NFATC2: variants seen among roughly 807,000 people sequenced by gnomAD.
The protein encoded by NFATC2 is nuclear factor of activated T cells 2.
In NFATC2, 22 loss-of-function variants were observed where a neutral mutation model predicts 87.3. That is an observed-to-expected ratio of 0.25 (90% confidence interval 0.18 to 0.36). The LOEUF (loss-of-function observed/expected upper bound fraction) is 0.36, where lower values mean the gene tolerates loss of function less well. NFATC2 is among the 10% of genes least tolerant of loss of function. The pLI, the probability that NFATC2 is intolerant of heterozygous loss-of-function variation, is 1.00. For missense variants in NFATC2, 1,149 were observed against 1,259.1 expected, an observed-to-expected ratio of 0.91 and a Z score of 1.32; for synonymous variants, 565 against 542.2, an observed-to-expected ratio of 1.04 and a Z score of -0.58.
chr20:51,486,029 G>A (rs1194663668), intron 3 of NFATC2, among the ~76,000 whole-genome samples: 1 of 152,004 alleles, frequency 6.6e-6, no homozygotes, highest in African/African-American at 2.4e-5. Context: ...TGGCCAACAT[G>A]GTGAAACCCC....
At chr20:51,541,058 A>G (rs951833065) in intron 1 of NFATC2, among the ~76,000 whole-genome samples, 3 of 152,118 alleles carry the variant, frequency 2.0e-5, no homozygotes, top group Non-Finnish European at 2.9e-5. Context: ...AATTATTACT[A>G]ATGACCATCT....
At chr20:51,553,804 A>G (rs1353697419) in intron 1 of NFATC2, among the ~76,000 whole-genome samples, 1 of 150,830 alleles carries the variant, frequency 6.6e-6, no homozygotes, top group African/African-American at 2.4e-5. Context: ...TCTTCTACCA[A>G]GGTAGAACCT....
chr20:51,487,240 T>C lies in NFATC2; in HGVS notation c.1333-11580A>G, dbSNP rs142139458. On this transcript the variant is annotated intron_variant, in intron 3 of 10. Transcript: ENST00000371564. ...AGCTTGCAGAAACTCCGTGCAAGCA[T>C]CTGGCCCTGACCGTGCCCAGCATGG... Among the ~76,000 whole-genome samples the C allele has an allele frequency of 7.9e-5, 12 of 152,326 alleles. No homozygotes were observed. The East Asian group carries it at 2.3e-3, about 29-fold the overall frequency.
intron 1 of NFATC2, among the ~76,000 whole-genome samples, chr20:51,530,970 A>T (rs1294834668): frequency 6.6e-6 from 1 of 152,248 alleles, no homozygotes; most frequent in Non-Finnish European, 1.5e-5. Context: ...TATTATGAAG[A>T]TGATTATAAT....
chr20:51,418,803 C>T lies in NFATC2; in HGVS notation c.2722+13264G>A, dbSNP rs190072471. Among the ~76,000 whole-genome samples the T allele has an allele frequency of 1.6e-4, 24 of 152,024 alleles. No individual in the cohort carries two copies. In the East Asian group the frequency reaches 4.5e-3, roughly 28 times the overall value. On this transcript the variant is annotated intron_variant, in intron 9 of 10. Coordinates refer to ENST00000371564, the MANE Select transcript of NFATC2 (RefSeq NM_012340.5). ...TCAGCTTCCCTAGTAGCTGGGATTA[C>T]AGGCGCATGCCACCACATCCAGCTA... is the stretch of plus-strand genomic sequence containing the variant.
rs1418501103 is a variant in NFATC2, at chr20:51,516,915, G to A, written c.1201C>T (p.Leu401=). The A allele has an allele frequency of 2.5e-6, 4 of 1,614,140 alleles. No individual in the cohort carries two copies. Among genetic ancestry groups the A allele is most frequent in the Non-Finnish European group, 3.4e-6 (4 of 1,180,000 alleles). Residue 401 remains leucine, a synonymous_variant, in exon 3 of 11, where the codon CTG becomes TTG. Transcript: ENST00000371564. ...TASLPPLEWP[L]SSQSGSYELR... ...TCGTAAGAGCCTGACTGACTGGACA[G>A]CGGCCACTCAAGTGGAGGGAGGGAT...
At position 51,542,706 on chromosome 20, in the gene NFATC2, G is replaced by A; in HGVS notation, c.-207C>T. 1 of 1,054,090 alleles carries A rather than the reference G, an allele frequency of 9.5e-7. No individual in the cohort carries two copies. Among genetic ancestry groups the A allele is most frequent in the Non-Finnish European group, 1.1e-6 (1 of 876,142 alleles). The allele number at this position is 1,054,090 out of a possible 1,614,324, so 65.3% of individuals were successfully genotyped here. ...GCTGAGCGGCGGCGGCGACGGCGGCGCGAGCTTCCTGCTCCGGAGGCACCT... is the reference window on the plus strand; with the variant it reads ...GCTGAGCGGCGGCGGCGACGGCGGCACGAGCTTCCTGCTCCGGAGGCACCT... On this transcript the variant is annotated 5_prime_UTR_variant, in exon 1 of 11. Coordinates refer to ENST00000371564, the MANE Select transcript of NFATC2 (RefSeq NM_012340.5).
intron 1 of NFATC2, among the ~76,000 whole-genome samples, chr20:51,550,284 G>A (rs913332635): frequency 2.6e-5 from 4 of 152,082 alleles, no homozygotes; most frequent in African/African-American, 9.7e-5. Context: ...AAGACCCCAT[G>A]TCTAAAAAAT....
chr20:51,429,865 C>T (rs989073206), intron 9 of NFATC2, among the ~76,000 whole-genome samples: 6 of 152,156 alleles, frequency 3.9e-5, no homozygotes, highest in African/African-American at 1.4e-4. Flanking sequence ...TCACCTCGCT[C>T]GGTTCTCTGA....
chr20:51,523,435 G>C lies in NFATC2; in HGVS notation c.806C>G (p.Pro269Arg). ...ALVALPPGAS[P>R]QRSRSPSPQP... The stretch of plus-strand genomic sequence containing the variant: ...CGGCGAGGGGCTCCGGGAGCGCTGG[G>C]GTGAGGCTCCGGGCGGCAGGGCAAC... The change falls in exon 2 of 11, where the codon CCC (proline) becomes CGC (arginine). Residue 269 changes from proline to arginine, a missense_variant. Transcript: ENST00000371564. This position sits in a 1 kb window ranked among gnomAD's most constrained non-coding sequence, Gnocchi z 6.9. 3.1e-6 allele frequency: 5 copies of C among 1,609,044 alleles called. No individual in the cohort carries two copies. Among genetic ancestry groups the C allele is most frequent in the Non-Finnish European group, 4.2e-6 (5 of 1,177,534 alleles).
chr20:51,446,140 G>C (rs1985027638), intron 6 of NFATC2, among the ~76,000 whole-genome samples: 1 of 152,218 alleles, frequency 6.6e-6, no homozygotes. Context: ...CAGACCATGA[G>C]TTACCCTCCC....
chr20:51,486,423 C>T (rs555047418), intron 3 of NFATC2, among the ~76,000 whole-genome samples: 1 of 152,280 alleles, frequency 6.6e-6, no homozygotes, highest in South Asian at 2.1e-4. Flanking sequence ...TGGGTCTTCC[C>T]ACAGCTGGTT....
At chr20:51,512,018 T>A (rs937283611) in intron 3 of NFATC2, among the ~76,000 whole-genome samples, 2 of 152,168 alleles carry the variant, frequency 1.3e-5, no homozygotes, top group African/African-American at 4.8e-5. Context: ...ACACAGTCCT[T>A]CCCTGCCTCA....
intron 3 of NFATC2, among the ~76,000 whole-genome samples, chr20:51,498,575 A>G (rs1379158862): frequency 1.3e-5 from 2 of 152,186 alleles, no homozygotes; most frequent in African/African-American, 4.8e-5. Flanking sequence ...AGGCAGGCAG[A>G]TCACTTGAGG....
rs535270407 is a variant in NFATC2, at chr20:51,524,073, G to A, written c.168C>T (p.Ser56=). 82 of 1,480,512 alleles carry A rather than the reference G, an allele frequency of 5.5e-5. No individual in the cohort carries two copies. In the South Asian group the frequency reaches 1.1e-3, roughly 20 times the overall value. 91.7% of individuals were successfully genotyped at this position (1,480,512 alleles called of 1,614,324 possible). A position where few individuals can be genotyped will look rare whatever the true frequency, so the allele number is the denominator to read the frequency against. The part of the protein sequence containing the change: ...PNAHKVASPP[S]GPAYPDDVLD... Reference sequence around the variant, plus strand: ...GGACATCATCGGGGTATGCGGGTCCGGAGGGTGGGCTGGCGACCTTATGTG... The same window carrying A: ...GGACATCATCGGGGTATGCGGGTCCAGAGGGTGGGCTGGCGACCTTATGTG... Residue 56 remains serine, a synonymous_variant, in exon 2 of 11, where the codon TCC becomes TCT. Coordinates refer to ENST00000371564, the MANE Select transcript of NFATC2 (RefSeq NM_012340.5). This position sits in a 1 kb window ranked among gnomAD's most constrained non-coding sequence, Gnocchi z 4.0.
At chr20:51,441,098 C>T (rs1212063747) in intron 6 of NFATC2, among the ~76,000 whole-genome samples, 2 of 151,986 alleles carry the variant, frequency 1.3e-5, no homozygotes, top group African/African-American at 4.8e-5. Flanking sequence ...GCCTGGCCAA[C>T]GTGGCGAAAC....
At chr20:51,454,438 A>C in intron 6 of NFATC2, 110 bp downstream of exon 6, 1 of 1,196,950 alleles carries the variant, frequency 8.4e-7, no homozygotes, top group Non-Finnish European at 1.2e-6. Flanking sequence ...AGCAGGGTAT[A>C]AAACTGCACG....
chr20:51,472,797 G>T (rs969194192), intron 5 of NFATC2, among the ~76,000 whole-genome samples: 2 of 151,630 alleles, frequency 1.3e-5, no homozygotes, highest in Non-Finnish European at 2.9e-5. Flanking sequence ...CACCACACCC[G>T]GCTAATTTTG....
Position 51,488,168 on chromosome 20 carries a change from C to T in NFATC2, c.1333-12508G>A, listed in dbSNP as rs182950447. ...ATTCACTCCTCCGTTTAGTCATTCA[C>T]GCAGCAAAGTGCCTCTCAGGAAAGA... is the stretch of plus-strand genomic sequence containing the variant. On this transcript the variant is annotated intron_variant, in intron 3 of 10. Transcript: ENST00000371564. Among the ~76,000 whole-genome samples, 560 of 152,272 alleles carry T rather than the reference C, an allele frequency of 3.7e-3. 5 individuals carry two copies. In the Middle Eastern group the frequency reaches 0.037, roughly 10 times the overall value.
Sources: allele counts gnomAD v4.1 joint callset (sites outside exome capture counted in the v4.1 genomes callset), GRCh38; gene constraint gnomAD v4.1.1; non-coding constraint Gnocchi (gnomAD v3.1); transcripts MANE v1.5; gene names NCBI Gene and HGNC (gene_info 2026-07-23, HGNC 2026-07-21).